The following RAI1 variants were observed in gnomAD, a reference collection of about 807,000 sequenced individuals.
RAI1 encodes the protein retinoic acid induced 1, also known as retinoic acid-induced protein 1.
A neutral mutation model predicts 123.8 loss-of-function variants in RAI1; 9 were observed. That is an observed-to-expected ratio of 0.07 (90% CI 0.04 to 0.13). The LOEUF (loss-of-function observed/expected upper bound fraction) is 0.13. Ranked by LOEUF, RAI1 falls within the 10% of genes least tolerant of loss-of-function variation. RAI1 has a pLI of 1.00. For missense variants in RAI1, 2,256 were observed against 2,545.8 expected (o/e 0.89, Z 2.45); for synonymous variants, 1,231 against 1,127.3 (o/e 1.09, Z -1.84).
chr17:17,730,220 C>T (rs1387050467), intron 2 of RAI1, among the ~76,000 whole-genome samples: 1 of 152,262 alleles, frequency 6.6e-6, no homozygotes, highest in East Asian at 1.9e-4. Flanking sequence ...ATATCCCCTT[C>T]CTGCCCTTCC....
chr17:17,750,111 A>G (rs2030095909), intron 2 of RAI1, among the ~76,000 whole-genome samples: 1 of 152,214 alleles, frequency 6.6e-6, no homozygotes, highest in African/African-American at 2.4e-5. Context: ...TTGCATTCAC[A>G]TTCCATTGGC....
chr17:17,786,230 T>C (rs966659127), intron 2 of RAI1, among the ~76,000 whole-genome samples: 10 of 152,164 alleles, frequency 6.6e-5, no homozygotes, highest in African/African-American at 2.4e-4. Flanking sequence ...AGCAAAGCAG[T>C]GGCCACCCCT....
At chr17:17,688,565 A>G (rs1027227433) in intron 1 of RAI1, among the ~76,000 whole-genome samples, 7 of 152,062 alleles carry the variant, frequency 4.6e-5, no homozygotes, top group African/African-American at 1.7e-4. Flanking sequence ...CTGGGATATC[A>G]TTGCTGGGCT....
At chr17:17,790,020 C>T (rs1320692888) in intron 2 of RAI1, among the ~76,000 whole-genome samples, 1 of 152,300 alleles carries the variant, frequency 6.6e-6, no homozygotes, top group South Asian at 2.1e-4. Flanking sequence ...CACCATCGTT[C>T]TGCCGGGGCC....
At chr17:17,700,387 C>G (rs1361563373) in intron 1 of RAI1, among the ~76,000 whole-genome samples, 1 of 151,890 alleles carries the variant, frequency 6.6e-6, no homozygotes, top group East Asian at 1.9e-4. Flanking sequence ...GCGCGGCTCC[C>G]GGCTCGGGGC....
At chr17:17,742,582 T>C (rs1404460168) in intron 2 of RAI1, among the ~76,000 whole-genome samples, 1 of 152,190 alleles carries the variant, frequency 6.6e-6, no homozygotes, top group African/African-American at 2.4e-5. Context: ...CCAAAAATAA[T>C]ATCCCCTCTG....
In RAI1 at chr17:17,796,088, G is replaced by T; in HGVS notation, c.3140G>T (p.Gly1047Val). The change falls in exon 3 of 6, where the codon GGG becomes GTG. Residue 1047 changes from glycine (G) to valine (V), a missense_variant. Physicochemically the swap from Gly to Val is moderately radical, Grantham distance 109. Transcript: ENST00000353383. The surrounding 1 kb of genome is among the most constrained non-coding windows in gnomAD (Gnocchi z 5.8). The part of the protein sequence containing the change: ...QMEGAGAPGR[G>V]ASEGLPRMCT... ...GAAGGGGCTGGAGCCCCAGGCCGGG[G>T]GGCCTCGGAAGGGCTCCCCAGGATG... The T allele has an allele frequency of 5.1e-6, 8 of 1,581,556 alleles. No homozygotes were observed. The highest frequency in any genetic ancestry group is 6.9e-6 in the Non-Finnish European group (8 of 1,163,942).
rs1280752947 is a variant in RAI1, at chr17:17,796,644, C to A, written c.3696C>A (p.Val1232=). The change falls in exon 3 of 6, where the codon GTC becomes GTA. Residue 1232 remains valine (V), a synonymous_variant. Coordinates refer to ENST00000353383, the MANE Select transcript of RAI1 (RefSeq NM_030665.4). The surrounding 1 kb of genome is among the most constrained non-coding windows in gnomAD (Gnocchi z 5.8). ...LKRKSAFMAP[V]PTKKRNLVLR... is the part of the protein sequence containing the mutation. ...GGAAGTCGGCCTTCATGGCGCCGGT[C>A]CCCACCAAGAAGCGGAACCTGGTCT... is the stretch of plus-strand genomic sequence containing the variant. 1 of 1,612,142 alleles carries A rather than the reference C, an allele frequency of 6.2e-7. No individual in the cohort carries two copies. The highest frequency in any genetic ancestry group is 1.1e-5 in the South Asian group (1 of 91,042).
chr17:17,770,232 G>T (rs536210252), intron 2 of RAI1, among the ~76,000 whole-genome samples: 1 of 152,202 alleles, frequency 6.6e-6, no homozygotes, highest in South Asian at 2.1e-4. Context: ...GTCTCCCAAA[G>T]GGCGGTGGGG....
At chr17:17,696,157 T>C (rs1915023428) in intron 1 of RAI1, among the ~76,000 whole-genome samples, 2 of 152,134 alleles carry the variant, frequency 1.3e-5, no homozygotes, top group South Asian at 2.1e-4. Context: ...ACTTTATAAT[T>C]CCACCAGCAG....
intron 2 of RAI1, among the ~76,000 whole-genome samples, chr17:17,762,490 C>T (rs921883316): frequency 1.3e-5 from 2 of 152,162 alleles, no homozygotes; most frequent in Non-Finnish European, 2.9e-5. Context: ...ACTCTACCCC[C>T]AGCAGCAAGG....
At chr17:17,788,252 G>A (rs988509098) in intron 2 of RAI1, among the ~76,000 whole-genome samples, 5 of 152,066 alleles carry the variant, frequency 3.3e-5, no homozygotes, top group African/African-American at 1.2e-4. Context: ...CCATCTGCCC[G>A]AAGCAGGCCT....
Position 17,797,865 on chromosome 17 carries a change from G to C in RAI1, c.4917G>C (p.Ser1639=), listed in dbSNP as rs1283826369. The C allele has an allele frequency of 6.2e-7, 1 of 1,613,732 alleles. No homozygotes were observed. Among genetic ancestry groups the C allele is most frequent in the Non-Finnish European group, 8.5e-7 (1 of 1,179,980 alleles). ...SSASSSSSSS[S]FSLDAAGASL... ...CCTCCTCTTCCTCATCCTCGTCCTC[G>C]TTCTCCTTGGATGCAGCCGGGGCCT... The change falls in exon 3 of 6, where the codon TCG becomes TCC. Residue 1639 remains serine (S), a synonymous_variant. Coordinates refer to ENST00000353383, the MANE Select transcript of RAI1 (RefSeq NM_030665.4).
intron 2 of RAI1, among the ~76,000 whole-genome samples, chr17:17,774,967 A>G (rs1402331370): frequency 6.6e-6 from 1 of 152,080 alleles, no homozygotes; most frequent in Non-Finnish European, 1.5e-5. Context: ...CCTCCCTACC[A>G]ATCAGGCCTT....
Position 17,797,233 on chromosome 17 carries a change from T to C in RAI1, c.4285T>C (p.Phe1429Leu). 1 of 1,613,534 alleles carries C rather than the reference T, an allele frequency of 6.2e-7. No homozygotes were observed. The highest frequency in any genetic ancestry group is 8.5e-7 in the Non-Finnish European group (1 of 1,180,008). The change falls in exon 3 of 6, where the codon TTC becomes CTC. Residue 1429 changes from phenylalanine to leucine, a missense_variant. By Grantham distance (22) the Phe-to-Leu change is conservative (BLOSUM62 0). This residue lies in a region of RAI1 where 410 missense variants were observed against 374.6 expected (regional missense o/e 1.09). Transcript: ENST00000353383. The stretch of plus-strand genomic sequence containing the variant: ...TACTGACTGTTTCAAAACCGAGGCC[T>C]TCACATCCCCGGAGGCCCTGCAGCC... The part of the protein sequence containing the change: ...SSTDCFKTEA[F>L]TSPEALQPGG...
chr17:17,710,223 C>T (rs911549016), intron 1 of RAI1, among the ~76,000 whole-genome samples: 15 of 152,276 alleles, frequency 9.9e-5, no homozygotes, highest in Non-Finnish European at 1.9e-4. Context: ...CAGAACCCAG[C>T]GGGGGCTTTA....
intron 2 of RAI1, among the ~76,000 whole-genome samples, chr17:17,783,850 C>A (rs941379003): frequency 1.3e-4 from 20 of 151,952 alleles, no homozygotes; most frequent in African/African-American, 4.8e-4. Flanking sequence ...CGCTTCGTTT[C>A]AATTACCCTA....
Position 17,793,906 on chromosome 17 carries a change from G to A in RAI1, c.958G>A (p.Gly320Ser), listed in dbSNP as rs757276303. The change falls in exon 3 of 6, where the codon GGC (glycine) becomes AGC (serine). Residue 320 changes from glycine to serine, a missense_variant. Coordinates refer to ENST00000353383, the MANE Select transcript of RAI1 (RefSeq NM_030665.4). ...KYQHYGQQGQ[G>S]YCQPDAAVRT... ...TCAGCACTACGGGCAGCAAGGCCAG[G>A]GCTACTGCCAGCCGGACGCAGCCGT... is the stretch of plus-strand genomic sequence containing the variant. 3.1e-6 allele frequency: 5 copies of A among 1,613,710 alleles called. No homozygotes were observed. In the East Asian group the frequency reaches 1.1e-4, roughly 36 times the overall value.
In RAI1 at chr17:17,796,098, A is replaced by G. The variant is rs755414941; in HGVS notation, c.3150A>G (p.Glu1050=). 6.3e-7 allele frequency: 1 copy of G among 1,582,948 alleles called. No homozygotes were observed. The highest frequency in any genetic ancestry group is 1.1e-5 in the South Asian group (1 of 87,512). The change falls in exon 3 of 6, where the codon GAA becomes GAG. Residue 1050 remains glutamate, a synonymous_variant. Transcript: ENST00000353383. The surrounding 1 kb of genome is among the most constrained non-coding windows in gnomAD (Gnocchi z 5.8). ...GAGAPGRGAS[E]GLPRMCTRSL... ...GAGCCCCAGGCCGGGGGGCCTCGGA[A>G]GGGCTCCCCAGGATGTGTACTCGTT... is the stretch of plus-strand genomic sequence containing the variant.
Sources: allele counts gnomAD v4.1 joint callset (sites outside exome capture counted in the v4.1 genomes callset), GRCh38; gene constraint gnomAD v4.1.1; regional missense constraint gnomAD v4.1.1; non-coding constraint Gnocchi (gnomAD v3.1); transcripts MANE v1.5; gene names NCBI Gene and HGNC (gene_info 2026-07-23, HGNC 2026-07-21).